Variants in B3GLCT observed in about 807,000 individuals in gnomAD.
The protein encoded by B3GLCT is beta 3-glucosyltransferase.
Under a neutral mutation model 63.4 loss-of-function variants are expected in B3GLCT, and 65 were observed. The ratio of observed to expected loss-of-function variants is 1.03; its 90% confidence interval spans 0.84 to 1.26. The LOEUF (loss-of-function observed/expected upper bound fraction) is 1.26, where lower values mean the gene tolerates loss of function less well. Among genes scored for constraint, B3GLCT ranks in the 50% most tolerant of loss-of-function variants. B3GLCT has a pLI of 0.00. For synonymous variants in B3GLCT, 233 were observed against 219.2 expected, an observed-to-expected ratio of 1.06 and a Z score of -0.55; for missense variants, 577 against 604.8, an observed-to-expected ratio of 0.95 and a Z score of 0.48.
chr13:31,212,849 T>C (rs1484142308), intron 1 of B3GLCT, among the ~76,000 whole-genome samples: 1 of 152,276 alleles, frequency 6.6e-6, no homozygotes, highest in East Asian at 1.9e-4. Context: ...CTGTATGATA[T>C]TCCTTAAGTA....
At chr13:31,287,456 A>G (rs1295462222) in intron 12 of B3GLCT, among the ~76,000 whole-genome samples, 3 of 152,184 alleles carry the variant, frequency 2.0e-5, no homozygotes, top group Non-Finnish European at 4.4e-5. Flanking sequence ...ACCCTAGACT[A>G]AGCACTTTTC....
chr13:31,206,794 T>G (rs918224374), intron 1 of B3GLCT, among the ~76,000 whole-genome samples: 1 of 152,158 alleles, frequency 6.6e-6, no homozygotes, highest in Admixed American at 6.5e-5. Flanking sequence ...AGTAAGGAGT[T>G]GTTCTGGAGA....
rs954206838 is a variant in B3GLCT, at chr13:31,202,974, A to G, written c.70+2820A>G. ...ATTATATGCAGCCAAACCTAATCCT[A>G]TTGCCAAACCTAATCCTAATTGATA... is the stretch of plus-strand genomic sequence containing the variant. On this transcript the variant is annotated intron_variant, in intron 1 of 14. Coordinates refer to ENST00000343307, the MANE Select transcript of B3GLCT (RefSeq NM_194318.4). Among the ~76,000 whole-genome samples, 3 of 152,202 alleles carry G rather than the reference A, an allele frequency of 2.0e-5. No homozygotes were observed. The East Asian group carries it at 5.8e-4, about 29-fold the overall frequency.
At chr13:31,298,299 A>C (rs1259690154) in intron 12 of B3GLCT, among the ~76,000 whole-genome samples, 5 of 152,220 alleles carry the variant, frequency 3.3e-5, no homozygotes. Context: ...GATACCTTAC[A>C]TCAAAAGAAC....
chr13:31,270,925 C>T (rs1872551672), intron 8 of B3GLCT, among the ~76,000 whole-genome samples: 1 of 151,842 alleles, frequency 6.6e-6, no homozygotes, highest in African/African-American at 2.4e-5. Flanking sequence ...GAAAGGAAAG[C>T]TCTCAGCAAA....
At chr13:31,243,090 T>A (rs564706051) in intron 4 of B3GLCT, among the ~76,000 whole-genome samples, 1 of 152,250 alleles carries the variant, frequency 6.6e-6, no homozygotes, top group Non-Finnish European at 1.5e-5. Context: ...CATAATTTAT[T>A]TGTTGTTCTA....
At chr13:31,316,407 T>TTATATATACATATATATA (rs1555255280) in intron 12 of B3GLCT, among the ~76,000 whole-genome samples, 1 of 40,866 alleles carries the variant, frequency 2.4e-5, no homozygotes, top group African/African-American at 6.5e-5. Flanking sequence ...TTTGGAGGTT[T>TTATATATACATATATATA]TATATATATA....
chr13:31,258,572 A>G (rs1871858819), intron 6 of B3GLCT, among the ~76,000 whole-genome samples: 1 of 151,946 alleles, frequency 6.6e-6, no homozygotes, highest in Non-Finnish European at 1.5e-5. Context: ...ATTTTCTTCC[A>G]TTACTGTACA....
rs949259622 is a variant in B3GLCT, at chr13:31,212,137, G to A, written c.71-2914G>A. 3.3e-5 allele frequency among the ~76,000 whole-genome samples: 5 copies of A among 151,424 alleles called. No homozygotes were observed. In the South Asian group the frequency reaches 1.0e-3, roughly 32 times the overall value. ...TTTTTTTTTTTTGAGACAGAGTCTC[G>A]CTCTTGTCCAGGCTGGAATATAGTG... On this transcript the variant is annotated intron_variant, in intron 1 of 14. Coordinates refer to ENST00000343307, the MANE Select transcript of B3GLCT (RefSeq NM_194318.4).
At chr13:31,234,417 T>C (rs542950611) in intron 4 of B3GLCT, among the ~76,000 whole-genome samples, 1 of 152,052 alleles carries the variant, frequency 6.6e-6, no homozygotes, top group Admixed American at 6.5e-5. Flanking sequence ...GCAGGGGAGC[T>C]GAGGAGGGGA....
At chr13:31,298,682 C>T (rs9543985) in intron 12 of B3GLCT, among the ~76,000 whole-genome samples, 101,988 of 152,074 alleles carry the variant, frequency 0.67, 36,183 homozygotes, top group Middle Eastern at 0.8. Context: ...GAATCACTAC[C>T]GTTCTGGTTT....
chr13:31,269,193 C>G, intron 7 of B3GLCT, 21 bp from the exon 8 acceptor site: 3 of 1,579,374 alleles, frequency 1.9e-6, no homozygotes, highest in East Asian at 2.2e-5. Flanking sequence ...TAAAAAAAAT[C>G]AAATTGTCTC....
intron 12 of B3GLCT, among the ~76,000 whole-genome samples, chr13:31,315,888 A>G (rs1465948634): frequency 6.6e-6 from 1 of 152,232 alleles, no homozygotes; most frequent in African/African-American, 2.4e-5. Context: ...TGCTCCAGCC[A>G]TGGCTAAAAG....
chr13:31,262,339 C>G (rs1221742184), intron 7 of B3GLCT, among the ~76,000 whole-genome samples: 1 of 152,246 alleles, frequency 6.6e-6, no homozygotes, highest in Non-Finnish European at 1.5e-5. Flanking sequence ...ATCTTCGACT[C>G]ACGCACTCAG....
At chr13:31,327,988 C>T (rs752929661) in intron 14 of B3GLCT, among the ~76,000 whole-genome samples, 3 of 152,192 alleles carry the variant, frequency 2.0e-5, no homozygotes, top group Non-Finnish European at 4.4e-5. Context: ...TGTGCCCAAC[C>T]GGCGGTAAGA....
intron 12 of B3GLCT, chr13:31,312,259 A>G (rs1485052403): frequency 6.6e-6 from 1 of 152,220 alleles, no homozygotes; most frequent in African/African-American, 2.4e-5. Context: ...TGATCAAGTA[A>G]AACATCTGGC....
At chr13:31,270,855 C>G (rs1189276048) in intron 8 of B3GLCT, among the ~76,000 whole-genome samples, 1 of 152,156 alleles carries the variant, frequency 6.6e-6, no homozygotes, top group Non-Finnish European at 1.5e-5. Context: ...TGTCTCACAA[C>G]CAGGAAGAAT....
At chr13:31,270,643 T>C (rs1475068437) in intron 8 of B3GLCT, among the ~76,000 whole-genome samples, 1 of 152,232 alleles carries the variant, frequency 6.6e-6, no homozygotes, top group Non-Finnish European at 1.5e-5. Context: ...TATGTGCTTC[T>C]TGAGGAGAGG....
At chr13:31,223,318 C>T (rs2274190) in intron 3 of B3GLCT, among the ~76,000 whole-genome samples, 13,600 of 152,200 alleles carry the variant, frequency 0.089, 1,530 homozygotes, top group East Asian at 0.45. Context: ...GGGAAGGAGA[C>T]ATGGTCCCTG....
Sources: gnomAD v4.1 joint callset for allele counts (sites outside exome capture counted in the v4.1 genomes callset) on GRCh38, gnomAD v4.1.1 for gene constraint, MANE v1.5 for transcripts, NCBI Gene and HGNC (gene_info 2026-07-23, HGNC 2026-07-21) for gene names.